HAPLN2: variants seen among roughly 807,000 people sequenced by gnomAD.
The protein encoded by HAPLN2 is brain link protein-1.
In HAPLN2, 27 loss-of-function variants were observed where a neutral mutation model predicts 29.3. The observed-to-expected ratio is 0.92, with a 90% CI of 0.68 to 1.27. The LOEUF is 1.27. HAPLN2 is among the 50% of genes most tolerant of loss of function. The probability of loss-of-function intolerance (pLI) is 0.00; values close to 1 mark genes in which losing one functional copy is unlikely to be tolerated. For synonymous variants in HAPLN2, 208 were observed against 211.7 expected, an observed-to-expected ratio of 0.98 and a Z score of 0.15; for missense variants, 454 against 484.3, an observed-to-expected ratio of 0.94 and a Z score of 0.59.
In HAPLN2 at chr1:156,624,081, G is replaced by C; in HGVS notation, c.360G>C (p.Leu120=). 1 of 1,613,654 alleles carries C rather than the reference G, an allele frequency of 6.2e-7. No homozygotes were observed. Among genetic ancestry groups the C allele is most frequent in the South Asian group, 1.1e-5 (1 of 91,066 alleles). ...DASLVIAGVR[L]EDEGRYRCEL... is the part of the protein sequence containing the mutation. Reference sequence around the variant, plus strand: ...CCCTGGTCATCGCGGGCGTGCGCCTGGAGGACGAGGGCCGGTACCGCTGCG... The same window carrying C: ...CCCTGGTCATCGCGGGCGTGCGCCTCGAGGACGAGGGCCGGTACCGCTGCG... Residue 120 remains leucine, a synonymous_variant, in exon 4 of 7, where the codon CTG becomes CTC. Coordinates refer to ENST00000255039, the MANE Select transcript of HAPLN2 (RefSeq NM_021817.3).
chr1:156,616,538 T>A (rs550067176), upstream of HAPLN2, among the ~76,000 whole-genome samples: 1 of 152,098 alleles, frequency 6.6e-6, no homozygotes, highest in Non-Finnish European at 1.5e-5. Flanking sequence ...AACAGTAAAT[T>A]TGTGGAGAAA....
At chr1:156,611,023 T>G in the HAPLN2 span, among the ~76,000 whole-genome samples, 1 of 152,198 alleles carries the variant, frequency 6.6e-6, no homozygotes, top group African/African-American at 2.4e-5. Flanking sequence ...GGCTCACACC[T>G]GTAATCCCAG....
the HAPLN2 span, among the ~76,000 whole-genome samples, chr1:156,608,333 T>A: frequency 3.9e-5 from 6 of 152,128 alleles, no homozygotes; most frequent in Non-Finnish European, 7.4e-5. Context: ...GGTGTCATCA[T>A]TCTCTCCGAT....
At chr1:156,611,678 G>C in the HAPLN2 span, among the ~76,000 whole-genome samples, 8 of 152,202 alleles carry the variant, frequency 5.3e-5, no homozygotes, top group Admixed American at 1.3e-4. Context: ...AGCTGTCTGT[G>C]TTTTGATTGA....
chr1:156,615,286 G>A (rs1678030014), upstream of HAPLN2: 1 of 152,194 alleles, frequency 6.6e-6, no homozygotes, highest in Non-Finnish European at 1.5e-5. Flanking sequence ...ACGCTCTGGG[G>A]AGTAAGCCTT....
upstream of HAPLN2, among the ~76,000 whole-genome samples, chr1:156,615,514 C>A (rs1225951922): frequency 6.6e-6 from 1 of 151,720 alleles, no homozygotes; most frequent in Non-Finnish European, 1.5e-5. Context: ...AATGATCACA[C>A]CACTGTACTG....
At position 156,625,033 on chromosome 1, in the gene HAPLN2, C is replaced by T; in HGVS notation, c.740-68C>T. 3 of 1,503,378 alleles carry T rather than the reference C, an allele frequency of 2.0e-6. No individual in the cohort carries two copies. Among genetic ancestry groups the T allele is most frequent in the Admixed American group, 2.2e-5 (1 of 45,848 alleles). The allele number at this position is 1,503,378 out of a possible 1,614,324, so 93.1% of individuals were successfully genotyped here. The stretch of plus-strand genomic sequence containing the variant: ...TCTGCGGTCCCGCACCCCAACTCCG[C>T]CTCCTGGGTGTCAGCCGCCCCTCTC... On this transcript the variant is annotated intron_variant, in intron 6 of 6. Coordinates refer to ENST00000255039, the MANE Select transcript of HAPLN2 (RefSeq NM_021817.3). The surrounding 1 kb of genome is among the most constrained non-coding windows in gnomAD (Gnocchi z 5.7).
chr1:156,607,926 C>G, the HAPLN2 span, among the ~76,000 whole-genome samples: 3 of 151,742 alleles, frequency 2.0e-5, no homozygotes, highest in Non-Finnish European at 4.4e-5. Flanking sequence ...ATATTATTCA[C>G]TTTTCTTTCT....
upstream of HAPLN2, among the ~76,000 whole-genome samples, chr1:156,618,869 G>T (rs1048388185): frequency 2.0e-5 from 3 of 151,102 alleles, no homozygotes; most frequent in African/African-American, 2.4e-5. Flanking sequence ...ACTTTAAAAA[G>T]GTTATCTATT....
Position 156,624,347 on chromosome 1 carries a change from C to T in HAPLN2, c.440-4C>T. 1 of 1,598,102 alleles carries T rather than the reference C, an allele frequency of 6.3e-7. No individual in the cohort carries two copies. The highest frequency in any genetic ancestry group is 8.5e-7 in the Non-Finnish European group (1 of 1,172,096). On this transcript the variant is annotated splice_polypyrimidine_tract_variant and splice_region_variant and intron_variant, in intron 4 of 6. Coordinates refer to ENST00000255039, the MANE Select transcript of HAPLN2 (RefSeq NM_021817.3). ...CCCTCCCCAGGATCCCCGCCACCCCCTAGGTGTGGTGTTTCCGTACCAACC... is the reference window on the plus strand; with the variant it reads ...CCCTCCCCAGGATCCCCGCCACCCCTTAGGTGTGGTGTTTCCGTACCAACC...
Position 156,625,072 on chromosome 1 carries a change from C to A in HAPLN2, c.740-29C>A, listed in dbSNP as rs1678402624. 16 of 1,533,070 alleles carry A rather than the reference C, an allele frequency of 1.0e-5. No homozygotes were observed. The highest frequency in any genetic ancestry group is 1.3e-5 in the Non-Finnish European group (15 of 1,145,668). 95.0% of individuals were successfully genotyped at this position (1,533,070 alleles called of 1,614,324 possible). A position where few individuals can be genotyped will look rare whatever the true frequency, so the allele number is the denominator to read the frequency against. On this transcript the variant is annotated intron_variant, in intron 6 of 6. Coordinates refer to ENST00000255039, the MANE Select transcript of HAPLN2 (RefSeq NM_021817.3). The surrounding 1 kb of genome is among the most constrained non-coding windows in gnomAD (Gnocchi z 5.7). ...GCCGCCCCTCTCCGCCCACCCTGCC[C>A]TCGGTCGGTGACCCGCTGTGGTCCC...
In HAPLN2 at chr1:156,625,531, C is replaced by A; in HGVS notation, c.*147C>A. The A allele has an allele frequency of 1.2e-6, 1 of 817,938 alleles. No homozygotes were observed. The highest frequency in any genetic ancestry group is 1.8e-5 in the African/African-American group (1 of 54,974). The allele number at this position is 817,938 out of a possible 1,614,324, so 50.7% of individuals were successfully genotyped here. On this transcript the variant is annotated 3_prime_UTR_variant, in exon 7 of 7. Transcript: ENST00000255039. This position sits in a 1 kb window ranked among gnomAD's most constrained non-coding sequence, Gnocchi z 5.7. ...GCCTTCCCAGCCGGGGGCTGCGGGCCTCGGACCCCGGCTGGCCCGGCGGCG... is the reference window on the plus strand; with the variant it reads ...GCCTTCCCAGCCGGGGGCTGCGGGCATCGGACCCCGGCTGGCCCGGCGGCG...
the HAPLN2 span, among the ~76,000 whole-genome samples, chr1:156,601,856 A>G: frequency 2.0e-5 from 3 of 151,984 alleles, no homozygotes; most frequent in Admixed American, 6.5e-5. Flanking sequence ...AGGGTTGAAT[A>G]CTCATGAATA....
Position 156,623,461 on chromosome 1 carries a change from C to T in HAPLN2, c.-24-6C>T. On this transcript the variant is annotated splice_polypyrimidine_tract_variant and splice_region_variant and intron_variant, in intron 2 of 6. Transcript: ENST00000255039. ...CTAAGAACTGCCCACTCTTTGTGCC[C>T]TGCAGACGGTGCCGGGCTGACCCCC... 1 of 1,612,420 alleles carries T rather than the reference C, an allele frequency of 6.2e-7. No homozygotes were observed.
chr1:156,620,737 C>A (rs1214189418), intron 2 of HAPLN2, among the ~76,000 whole-genome samples: 3 of 152,188 alleles, frequency 2.0e-5, no homozygotes. Context: ...TCCTCCATCT[C>A]CCCATTCCCC....
At chr1:156,609,001 G>A in the HAPLN2 span, among the ~76,000 whole-genome samples, 5 of 152,228 alleles carry the variant, frequency 3.3e-5, no homozygotes, top group African/African-American at 4.8e-5. Context: ...AAGGAGGACC[G>A]TGATGGTAAG....
chr1:156,623,971 C>A lies in HAPLN2; in HGVS notation c.250C>A (p.Leu84Ile), dbSNP rs1473983150. The A allele has an allele frequency of 1.9e-6, 3 of 1,607,926 alleles. No individual in the cohort carries two copies. Among genetic ancestry groups the A allele is most frequent in the Non-Finnish European group, 2.5e-6 (3 of 1,177,288 alleles). The stretch of plus-strand genomic sequence containing the variant: ...TGGGGAGCTCCGGGAAACGCTGATC[C>A]TCATCACCAACGGACTGCACGCCCG... The part of the protein sequence containing the change: ...EPGELRETLI[L>I]ITNGLHARGY... The change falls in exon 4 of 7, where the codon CTC (leucine) becomes ATC (isoleucine). Residue 84 changes from leucine (L) to isoleucine (I), a missense_variant. Physicochemically the swap from Leu to Ile is conservative, Grantham distance 5. This residue lies in a region of HAPLN2 where 204 missense variants were observed against 209.2 expected (regional missense o/e 0.98). Coordinates refer to ENST00000255039, the MANE Select transcript of HAPLN2 (RefSeq NM_021817.3).
the HAPLN2 span, among the ~76,000 whole-genome samples, chr1:156,604,709 A>G: frequency 2.0e-5 from 3 of 152,270 alleles, no homozygotes; most frequent in East Asian, 5.8e-4. Context: ...TAGGATCAAA[A>G]GTAATAAAAT....
chr1:156,623,869 G>A lies in HAPLN2; in HGVS notation c.148G>A (p.Gly50Arg). 6.4e-7 allele frequency: 1 copy of A among 1,564,768 alleles called. No individual in the cohort carries two copies. Among genetic ancestry groups the A allele is most frequent in the Non-Finnish European group, 8.7e-7 (1 of 1,156,060 alleles). ...CCACGAGGTCATTCACTCTCATCGT[G>A]GGGCCACGGCCACGCTGCCCTGCGT... ...PIHEVIHSHR[G>R]ATATLPCVLG... is the part of the protein sequence containing the mutation. Residue 50 changes from glycine (G) to arginine (R), a missense_variant, in exon 4 of 7, where the codon GGG becomes AGG. Physicochemically the swap from Gly to Arg is moderately radical, Grantham distance 125. Around this residue, in one of 3 missense-constraint regions of HAPLN2, gnomAD observed 204 missense variants for 209.2 expected, o/e 0.98. Transcript: ENST00000255039.
Sources: gnomAD v4.1 joint callset for allele counts (sites outside exome capture counted in the v4.1 genomes callset) on GRCh38, gnomAD v4.1.1 for gene constraint, gnomAD v4.1.1 regional missense constraint, Gnocchi (gnomAD v3.1) non-coding constraint, MANE v1.5 for transcripts, NCBI Gene and HGNC (gene_info 2026-07-23, HGNC 2026-07-21) for gene names.